Variants in LRCH3 observed in about 807,000 individuals in gnomAD.
LRCH3 encodes DISP complex protein LRCH3.
Under a neutral mutation model 104.5 loss-of-function variants are expected in LRCH3, and 68 were observed. The observed-to-expected ratio is 0.65, with a 90% CI of 0.54 to 0.80. The LOEUF (loss-of-function observed/expected upper bound fraction) is 0.80. Ranked by LOEUF, LRCH3 falls within the 30% of genes least tolerant of loss-of-function variation. The probability of loss-of-function intolerance (pLI) is 0.00; values close to 1 mark genes in which losing one functional copy is unlikely to be tolerated. For synonymous variants in LRCH3, 344 were observed against 361.3 expected, an observed-to-expected ratio of 0.95 and a Z score of 0.54; for missense variants, 951 against 953.9, an observed-to-expected ratio of 1.00 and a Z score of 0.04.
intron 11 of LRCH3, 144 bp downstream of exon 11, chr3:197,847,604 A>C (rs887987118): frequency 1.3e-5 from 3 of 238,854 alleles, no homozygotes; most frequent in Admixed American, 2.9e-4. Context: ...TATGTACGTG[A>C]TACTTGCTAA....
At chr3:197,838,619 C>T (rs1357932118) in intron 9 of LRCH3, among the ~76,000 whole-genome samples, 3 of 152,044 alleles carry the variant, frequency 2.0e-5, no homozygotes, top group Non-Finnish European at 4.4e-5. Flanking sequence ...ACCTTTAATC[C>T]TCTACCTTTG....
At chr3:197,797,938 T>A (rs1731448927) in intron 1 of LRCH3, among the ~76,000 whole-genome samples, 1 of 147,030 alleles carries the variant, frequency 6.8e-6, no homozygotes. Flanking sequence ...CATAGTGACC[T>A]TCTAAGTTAT....
intron 14 of LRCH3, among the ~76,000 whole-genome samples, chr3:197,857,010 C>T (rs1238833886): frequency 6.6e-6 from 1 of 152,094 alleles, no homozygotes; most frequent in Non-Finnish European, 1.5e-5. Flanking sequence ...ACATTGTCTT[C>T]GGGCTGCCCC....
intron 4 of LRCH3, among the ~76,000 whole-genome samples, chr3:197,825,267 C>T (rs77413774): frequency 0.026 from 3,956 of 151,614 alleles, 83 homozygotes; most frequent in East Asian, 0.053. Context: ...TGTGCCATAG[C>T]ATGAGTTGTT....
intron 14 of LRCH3, among the ~76,000 whole-genome samples, chr3:197,855,545 G>A (rs927926220): frequency 2.6e-5 from 4 of 152,178 alleles, no homozygotes; most frequent in Admixed American, 6.5e-5. Flanking sequence ...GACAGTAAGT[G>A]CAAGGCTGGG....
At position 197,871,337 on chromosome 3, in the gene LRCH3, C is replaced by T. The variant is rs150594593; in HGVS notation, c.2005C>T (p.Arg669Trp). 2.7e-5 allele frequency: 43 copies of T among 1,612,010 alleles called. No individual in the cohort carries two copies. The highest frequency in any genetic ancestry group is 3.3e-5 in the South Asian group (3 of 90,826). The change falls in exon 19 of 21, where the codon CGG (arginine) becomes TGG (tryptophan). Residue 669 changes from arginine to tryptophan, a missense_variant. Transcript: ENST00000425562. ...IDQLRKHIEY[R>W]LKVSLPCDLG... ...TTTGTTCTTTCAGCATATTGAGTAC[C>T]GGTTGAAAGTGTCTCTACCTTGTGA...
chr3:197,791,617 G>T (rs911157759), intron 1 of LRCH3, 77 bp downstream of exon 1: 17 of 1,446,240 alleles, frequency 1.2e-5, no homozygotes, highest in Non-Finnish European at 1.4e-5. Context: ...AGGCGGATGC[G>T]GGGGAGTTAC....
At chr3:197,829,877 C>T (rs1303814065) in intron 6 of LRCH3, among the ~76,000 whole-genome samples, 1 of 152,202 alleles carries the variant, frequency 6.6e-6, no homozygotes, top group Non-Finnish European at 1.5e-5. Flanking sequence ...GCACTGTTGA[C>T]ATTTTAGATC....
intron 5 of LRCH3, among the ~76,000 whole-genome samples, chr3:197,827,415 A>G (rs960038579): frequency 1.3e-5 from 2 of 152,028 alleles, no homozygotes; most frequent in Non-Finnish European, 2.9e-5. Context: ...GGTAAATCAT[A>G]GTGGAAGCAT....
intron 8 of LRCH3, among the ~76,000 whole-genome samples, chr3:197,833,576 G>A (rs1345671428): frequency 2.0e-5 from 3 of 151,896 alleles, no homozygotes; most frequent in Non-Finnish European, 4.4e-5. Context: ...AAATTGATAT[G>A]TATTGTAAGT....
rs368085426 is a variant in LRCH3, at chr3:197,858,915, G to A, written c.1716+10G>A. 4 of 1,610,608 alleles carry A rather than the reference G, an allele frequency of 2.5e-6. No individual in the cohort carries two copies. In the East Asian group the frequency reaches 8.9e-5, roughly 36 times the overall value. On this transcript the variant is annotated intron_variant, in intron 15 of 20. Coordinates refer to ENST00000425562, the MANE Select transcript of LRCH3 (RefSeq NM_001365715.1). ...CTTCACGCCTCTTAAGGTATCTCTT[G>A]TTATTGTAATTCACCAGGAAGTTTG... is the stretch of plus-strand genomic sequence containing the variant.
At chr3:197,834,928 G>A (rs562251471) in intron 8 of LRCH3, among the ~76,000 whole-genome samples, 30 of 152,264 alleles carry the variant, frequency 2.0e-4, no homozygotes, top group African/African-American at 7.2e-4. Flanking sequence ...CGGATCGCTT[G>A]AGCCCAGGAG....
At position 197,791,284 on chromosome 3, in the gene LRCH3, G is replaced by A. The variant is rs146048989; in HGVS notation, c.6G>A (p.Ala2=). The change falls in exon 1 of 21, where the codon GCG becomes GCA. Residue 2 remains alanine (A), a synonymous_variant. Coordinates refer to ENST00000425562, the MANE Select transcript of LRCH3 (RefSeq NM_001365715.1). M[A]AAGLVAVAAA... is the part of the protein sequence containing the mutation. ...CGAGTGTTGTCGGCTGGGAAATGGC[G>A]GCCGCGGGCTTGGTCGCTGTGGCAG... is the stretch of plus-strand genomic sequence containing the variant. The A allele has an allele frequency of 5.8e-5, 93 of 1,608,214 alleles. No homozygotes were observed. The African/African-American group carries it at 1.1e-3, about 19-fold the overall frequency.
At chr3:197,811,988 C>T (rs1311054396) in intron 1 of LRCH3, among the ~76,000 whole-genome samples, 1 of 152,144 alleles carries the variant, frequency 6.6e-6, no homozygotes, top group Non-Finnish European at 1.5e-5. Context: ...CATTTCTTTT[C>T]TACTTTGAGT....
intron 17 of LRCH3, 57 bp downstream of exon 17, chr3:197,866,276 A>G (rs1741475800): frequency 1.7e-6 from 2 of 1,207,708 alleles, no homozygotes; most frequent in Non-Finnish European, 2.5e-6. Context: ...CAACGACGCT[A>G]GCTGTTAGAT....
At chr3:197,844,199 A>T (rs1580769904) in intron 10 of LRCH3, among the ~76,000 whole-genome samples, 1 of 152,174 alleles carries the variant, frequency 6.6e-6, no homozygotes. Flanking sequence ...ATGTGAGATG[A>T]GAGTTCTGCT....
chr3:197,851,961 G>A (rs1012941298), intron 12 of LRCH3, among the ~76,000 whole-genome samples: 24 of 152,194 alleles, frequency 1.6e-4, no homozygotes, highest in African/African-American at 4.6e-4. Context: ...GACCTTGCAC[G>A]TGCCGCATAA....
At chr3:197,847,117 A>G (rs1025477255) in intron 10 of LRCH3, among the ~76,000 whole-genome samples, 6 of 152,346 alleles carry the variant, frequency 3.9e-5, no homozygotes, top group African/African-American at 1.4e-4. Flanking sequence ...TGTTATAAAG[A>G]AATGATGCTG....
At chr3:197,858,981 T>G in intron 15 of LRCH3, 76 bp downstream of exon 15, 1 of 1,022,352 alleles carries the variant, frequency 9.8e-7, no homozygotes, top group Non-Finnish European at 1.6e-6. Flanking sequence ...TTTGGTGAAT[T>G]GATCTAACAA....
Sources: allele counts gnomAD v4.1 joint callset (sites outside exome capture counted in the v4.1 genomes callset), GRCh38; gene constraint gnomAD v4.1.1; transcripts MANE v1.5; gene names NCBI Gene and HGNC (gene_info 2026-07-23, HGNC 2026-07-21).